SGTB: variants seen among roughly 807,000 people sequenced by gnomAD.
The protein encoded by SGTB is small glutamine-rich tetratricopeptide repeat-containing protein beta.
Under a neutral mutation model 43.9 loss-of-function variants are expected in SGTB, and 19 were observed. The ratio of observed to expected loss-of-function variants is 0.43; its 90% confidence interval spans 0.30 to 0.63. The LOEUF is 0.63. Among genes scored for constraint, SGTB ranks in the 30% least tolerant of loss-of-function variants. The probability of loss-of-function intolerance (pLI) is 0.12; values close to 1 mark genes in which losing one functional copy is unlikely to be tolerated. For synonymous variants in SGTB, 116 were observed against 117.3 expected (o/e 0.99, Z 0.07); for missense variants, 304 against 358.9 (o/e 0.85, Z 1.24).
chr5:65,676,523 T>A (rs1455494097), intron 8 of SGTB, among the ~76,000 whole-genome samples: 1 of 152,106 alleles, frequency 6.6e-6, no homozygotes, highest in Non-Finnish European at 1.5e-5. Context: ...AGTAGACAGA[T>A]CATCAAGACA....
rs1309445857 is a variant in SGTB at position 65,667,987 on chromosome 5, C to T, written c.*2259G>A. The T allele has an allele frequency of 1.4e-5, 2 of 144,134 alleles. No homozygotes were observed. Among genetic ancestry groups the T allele is most frequent in the African/African-American group, 2.6e-5 (1 of 38,446 alleles). 8.9% of individuals were successfully genotyped at this position (144,134 alleles called of 1,614,324 possible). A position where few individuals can be genotyped will look rare whatever the true frequency, so the allele number is the denominator to read the frequency against. ...TTTTTTTTTGAAATGGAGTCTTGCT[C>T]TGTCACCCAGGCTGGAGTGCAGTGG... is the stretch of plus-strand genomic sequence containing the variant. On this transcript the variant is annotated 3_prime_UTR_variant, in exon 11 of 11. Coordinates refer to ENST00000381007, the MANE Select transcript of SGTB (RefSeq NM_019072.3).
Position 65,668,852 on chromosome 5 carries a change from G to A in SGTB, c.*1394C>T, listed in dbSNP as rs1757097001. On this transcript the variant is annotated 3_prime_UTR_variant, in exon 11 of 11. Transcript: ENST00000381007. ...GAATCCAGGAGGTGGAGGTTGCAGT[G>A]AGCTGACATTGCAACACCACTCTAG... is the stretch of plus-strand genomic sequence containing the variant. 6.6e-6 allele frequency: 1 copy of A among 152,014 alleles called. No homozygotes were observed. Among genetic ancestry groups the A allele is most frequent in the Non-Finnish European group, 1.5e-5 (1 of 68,008 alleles). The allele number at this position is 152,014 out of a possible 1,614,324, so 9.4% of individuals were successfully genotyped here.
intron 5 of SGTB, among the ~76,000 whole-genome samples, chr5:65,699,633 T>G (rs186012656): frequency 1.6e-4 from 24 of 152,358 alleles, no homozygotes; most frequent in Admixed American, 6.5e-5. Context: ...GTTTGGTTTT[T>G]GTTTTTGCTT....
intron 4 of SGTB, among the ~76,000 whole-genome samples, chr5:65,705,799 A>C (rs917372733): frequency 4.0e-5 from 6 of 151,572 alleles, no homozygotes; most frequent in Non-Finnish European, 8.8e-5. Flanking sequence ...AGGGCAAGGC[A>C]GGAGTATGGC....
At chr5:65,697,906 G>A (rs1757741936) in intron 5 of SGTB, among the ~76,000 whole-genome samples, 1 of 152,284 alleles carries the variant, frequency 6.6e-6, no homozygotes, top group East Asian at 1.9e-4. Context: ...ACTAATACAT[G>A]CCACAACATG....
chr5:65,704,045 A>ATAAATAAAT lies in SGTB; in HGVS notation c.374+233_374+234insATTTATTTA, dbSNP rs1554025694. Among the ~76,000 whole-genome samples, 794 of 125,322 alleles carry ATAAATAAAT rather than the reference A, an allele frequency of 6.3e-3. 7 individuals carry two copies. The highest frequency in any genetic ancestry group is 7.4e-3 in the Non-Finnish European group (425 of 57,290). 82.2% of individuals were successfully genotyped at this position (125,322 alleles called of 152,430 possible). ...AGTGAGACTCCGTCTCAAAAAAAAA[A>ATAAATAAAT]AAAAAAATAAATAAATAAATAAATA... On this transcript the variant is annotated intron_variant, in intron 5 of 10. Coordinates refer to ENST00000381007, the MANE Select transcript of SGTB (RefSeq NM_019072.3).
intron 5 of SGTB, among the ~76,000 whole-genome samples, chr5:65,704,035 C>CAAAAA (rs11405488): frequency 7.5e-5 from 10 of 133,402 alleles, no homozygotes; most frequent in South Asian, 5.0e-4. Flanking sequence ...GACTCCGTCT[C>CAAAAA]AAAAAAAAAA....
At chr5:65,705,457 AAAAAAGAAAAAG>A (rs1261894559) in intron 4 of SGTB, among the ~76,000 whole-genome samples, 1 of 152,150 alleles carries the variant, frequency 6.6e-6, no homozygotes, top group Non-Finnish European at 1.5e-5. Context: ...TGTCTTTAAA[AAAAAAGAAAAAG>A]AAAAAGAAAA....
chr5:65,693,806 T>C (rs538518147), intron 5 of SGTB, among the ~76,000 whole-genome samples: 9 of 152,094 alleles, frequency 5.9e-5, no homozygotes, highest in African/African-American at 2.2e-4. Context: ...CTATAATAAA[T>C]TGCAAAAATG....
chr5:65,672,799 T>C (rs1581243773), intron 8 of SGTB, among the ~76,000 whole-genome samples: 1 of 152,348 alleles, frequency 6.6e-6, no homozygotes, highest in East Asian at 1.9e-4. Flanking sequence ...ACAATATTTA[T>C]GTAAAATTTG....
chr5:65,679,438 G>A (rs554429222), intron 8 of SGTB, among the ~76,000 whole-genome samples: 2 of 152,212 alleles, frequency 1.3e-5, no homozygotes, highest in African/African-American at 4.8e-5. Flanking sequence ...TCAGCATGGT[G>A]AAACCCCATC....
intron 3 of SGTB, among the ~76,000 whole-genome samples, chr5:65,710,508 A>AG (rs1442091872): frequency 6.6e-6 from 1 of 152,212 alleles, no homozygotes; most frequent in Non-Finnish European, 1.5e-5. Context: ...ACATAATTGG[A>AG]GAAAAAAAAT....
chr5:65,712,340 T>G (rs996717466), intron 3 of SGTB, among the ~76,000 whole-genome samples: 1 of 152,176 alleles, frequency 6.6e-6, no homozygotes, highest in Non-Finnish European at 1.5e-5. Context: ...CTCCCTAAAC[T>G]TAGCATTTTT....
At chr5:65,694,330 G>T (rs1348582745) in intron 5 of SGTB, among the ~76,000 whole-genome samples, 1 of 152,062 alleles carries the variant, frequency 6.6e-6, no homozygotes, top group Admixed American at 6.6e-5. Flanking sequence ...TACTCAGGAG[G>T]CTGAGACAGA....
intron 10 of SGTB, among the ~76,000 whole-genome samples, chr5:65,670,806 T>C (rs1191157694): frequency 1.3e-5 from 2 of 152,210 alleles, no homozygotes; most frequent in African/African-American, 2.4e-5. Flanking sequence ...TGACCCTCTA[T>C]TGCCAGTGTT....
intron 4 of SGTB, among the ~76,000 whole-genome samples, chr5:65,705,877 AAAC>A (rs1561164213): frequency 6.0e-4 from 91 of 151,782 alleles, no homozygotes; most frequent in African/African-American, 2.1e-3. Flanking sequence ...AAAAAAAAAA[AAAC>A]ACAAAAATTA....
chr5:65,680,006 C>T (rs1757362677), intron 8 of SGTB, among the ~76,000 whole-genome samples: 1 of 152,132 alleles, frequency 6.6e-6, no homozygotes. Context: ...AGATTATGTC[C>T]CTCGCAGGGA....
intron 2 of SGTB, among the ~76,000 whole-genome samples, chr5:65,715,274 C>T (rs979313035): frequency 3.3e-5 from 5 of 152,102 alleles, no homozygotes; most frequent in African/African-American, 1.2e-4. Flanking sequence ...AAAATCTAAA[C>T]AAATACTATA....
chr5:65,682,500 G>A (rs154631), intron 6 of SGTB, among the ~76,000 whole-genome samples: 96,517 of 151,960 alleles, frequency 0.64, 31,003 homozygotes, highest in African/African-American at 0.68. Flanking sequence ...AGTTTGGACT[G>A]GGGCTATATG....
Sources: allele counts gnomAD v4.1 joint callset (sites outside exome capture counted in the v4.1 genomes callset), GRCh38; gene constraint gnomAD v4.1.1; transcripts MANE v1.5; gene names NCBI Gene and HGNC (gene_info 2026-07-23, HGNC 2026-07-21).